The following PCDH15 variants were observed in gnomAD, a reference collection of about 807,000 sequenced individuals.
PCDH15 encodes the protein protocadherin related 15, also known as protocadherin-15.
Under a neutral mutation model 178.5 loss-of-function variants are expected in PCDH15, and 129 were observed. That is an observed-to-expected ratio of 0.72 (90% confidence interval 0.63 to 0.84). The LOEUF is 0.84. PCDH15 is among the 40% of genes least tolerant of loss of function. The pLI, the probability that PCDH15 is intolerant of heterozygous loss-of-function variation, is 0.00. For missense variants in PCDH15, 2,230 were observed against 2,099.9 expected (o/e 1.06, Z -1.21); for synonymous variants, 800 against 732.0 (o/e 1.09, Z -1.50).
intron 26 of PCDH15, among the ~76,000 whole-genome samples, chr10:53,878,435 T>TATAC (rs1554841165): frequency 3.5e-5 from 5 of 143,652 alleles, no homozygotes; most frequent in Non-Finnish European, 6.0e-5. Context: ...TATATATATA[T>TATAC]ATCTCCATAT....
At chr10:54,763,670 G>C (rs1347729019) in intron 1 of PCDH15, among the ~76,000 whole-genome samples, 1 of 150,912 alleles carries the variant, frequency 6.6e-6, no homozygotes, top group Non-Finnish European at 1.5e-5. Flanking sequence ...ACCTAAATAT[G>C]GTGAATTGAT....
intron 2 of PCDH15, among the ~76,000 whole-genome samples, chr10:55,572,521 T>C (rs1842424657): frequency 6.6e-6 from 1 of 151,978 alleles, no homozygotes; most frequent in Non-Finnish European, 1.5e-5. Flanking sequence ...AGAAATGCAA[T>C]GATCAAAACA....
In PCDH15 at chr10:53,804,582, C is replaced by CAA. The variant is rs1841041450; in HGVS notation, c.*1995_*1996dup. The CAA allele has an allele frequency of 1.3e-5, 2 of 151,820 alleles. No individual in the cohort carries two copies. Among genetic ancestry groups the CAA allele is most frequent in the Admixed American group, 1.3e-4 (2 of 15,220 alleles). 9.4% of individuals were successfully genotyped at this position (151,820 alleles called of 1,614,324 possible). A position where few individuals can be genotyped will look rare whatever the true frequency, so the allele number is the denominator to read the frequency against. On this transcript the variant is annotated 3_prime_UTR_variant, in exon 38 of 38. Coordinates refer to ENST00000644397, the MANE Select transcript of PCDH15 (RefSeq NM_001384140.1). ...TAAGTTAAATGTCACAGCCAGAAAT[C>CAA]AAAGGACAAAAACGCAGCCATGAAG... is the stretch of plus-strand genomic sequence containing the variant.
At chr10:53,892,213 G>C (rs939243591) in intron 26 of PCDH15, among the ~76,000 whole-genome samples, 5 of 151,542 alleles carry the variant, frequency 3.3e-5, no homozygotes, top group Admixed American at 3.3e-4. Flanking sequence ...TTTTAGTAGA[G>C]ACTGGGTTTC....
chr10:55,461,615 A>G (rs748510131), intron 2 of PCDH15, among the ~76,000 whole-genome samples: 1 of 152,100 alleles, frequency 6.6e-6, no homozygotes, highest in African/African-American at 2.4e-5. Flanking sequence ...ATGCACAGGT[A>G]TCTTTGATTC....
chr10:54,234,130 T>TTGTGTG lies in PCDH15; in HGVS notation c.985+2692_985+2693insCACACA, dbSNP rs1491388308. On this transcript the variant is annotated intron_variant, in intron 9 of 37. Transcript: ENST00000644397. ...TGAAGTCAGAGTCATGGATATCCCCTTCTGTGTGTGTGTGTGTGTGTGTGT... is the reference window on the plus strand; with the variant it reads ...TGAAGTCAGAGTCATGGATATCCCCTTGTGTGTCTGTGTGTGTGTGTGTGTGTGTGT... Among the ~76,000 whole-genome samples, 505 of 103,190 alleles carry TTGTGTG rather than the reference T, an allele frequency of 4.9e-3. 5 individuals are homozygous for TTGTGTG. The highest frequency in any genetic ancestry group is 0.017 in the African/African-American group (433 of 24,988). 67.7% of individuals were successfully genotyped at this position (103,190 alleles called of 152,430 possible).
chr10:54,353,597 G>A (rs576898232), intron 5 of PCDH15, among the ~76,000 whole-genome samples: 162 of 152,148 alleles, frequency 1.1e-3, no homozygotes, highest in Non-Finnish European at 1.5e-3. Flanking sequence ...CCTGTTCTTG[G>A]ACTTCAATAG....
Position 54,390,896 on chromosome 10 carries a change from C to T in PCDH15, c.158-11954G>A, listed in dbSNP as rs185276253. Among the ~76,000 whole-genome samples the T allele has an allele frequency of 5.3e-5, 8 of 152,088 alleles. No individual in the cohort carries two copies. In the East Asian group the frequency reaches 1.6e-3, roughly 30 times the overall value. ...TTTTCCCATCTCATGTCTCAATGTC[C>T]CTTTTCTTCCCCAGTGCCAATTTTC... is the stretch of plus-strand genomic sequence containing the variant. On this transcript the variant is annotated intron_variant, in intron 3 of 37. Transcript: ENST00000644397.
intron 2 of PCDH15, among the ~76,000 whole-genome samples, chr10:54,659,831 A>C (rs1162612364): frequency 6.6e-6 from 1 of 152,044 alleles, no homozygotes; most frequent in Non-Finnish European, 1.5e-5. Flanking sequence ...CTTGCTACTG[A>C]ATGATTTTAG....
At chr10:55,171,896 A>C (rs1038541904) in intron 1 of PCDH15, among the ~76,000 whole-genome samples, 5 of 123,984 alleles carry the variant, frequency 4.0e-5, no homozygotes, top group African/African-American at 1.4e-4. Context: ...CATCAGCAGT[A>C]TATTTAACCA....
chr10:54,232,528 G>T (rs947629812), intron 9 of PCDH15, among the ~76,000 whole-genome samples: 1 of 152,078 alleles, frequency 6.6e-6, no homozygotes, highest in Admixed American at 6.6e-5. Context: ...TCTTCTTTGT[G>T]GGAAGATCTT....
chr10:54,160,258 CTT>C (rs1360819296), intron 13 of PCDH15, among the ~76,000 whole-genome samples: 1 of 152,186 alleles, frequency 6.6e-6, no homozygotes, highest in African/African-American at 2.4e-5. Flanking sequence ...AAATTTAAAA[CTT>C]TGGAATTGTT....
intron 2 of PCDH15, among the ~76,000 whole-genome samples, chr10:54,655,308 G>GAGAGAC (rs2094373572): frequency 6.8e-4 from 88 of 128,692 alleles, no homozygotes; most frequent in African/African-American, 2.5e-3. Flanking sequence ...GAGAGACAGA[G>GAGAGAC]AGAGAGACAG....
intron 6 of PCDH15, among the ~76,000 whole-genome samples, chr10:54,338,245 T>C (rs1237924678): frequency 6.6e-6 from 1 of 152,214 alleles, no homozygotes; most frequent in Non-Finnish European, 1.5e-5. Flanking sequence ...GAGTTTCCAG[T>C]AAAATGAGAA....
intron 2 of PCDH15, among the ~76,000 whole-genome samples, chr10:55,600,445 A>G (rs896479670): frequency 3.9e-5 from 6 of 152,096 alleles, no homozygotes; most frequent in African/African-American, 1.4e-4. Context: ...GCACTAGTGT[A>G]AGTCAGTTAT....
At chr10:55,001,050 C>T (rs1170721186) in intron 2 of PCDH15, among the ~76,000 whole-genome samples, 2 of 152,122 alleles carry the variant, frequency 1.3e-5, no homozygotes, top group Non-Finnish European at 2.9e-5. Flanking sequence ...AAGGAGCTAC[C>T]CACTATGCAA....
chr10:54,751,775 TAAG>T (rs1198988369), intron 1 of PCDH15, among the ~76,000 whole-genome samples: 1 of 152,102 alleles, frequency 6.6e-6, no homozygotes, highest in Non-Finnish European at 1.5e-5. Context: ...CTGTAATACA[TAAG>T]AAGAAAAGAG....
chr10:54,223,075 G>C (rs1224605353), intron 9 of PCDH15, among the ~76,000 whole-genome samples: 1 of 152,058 alleles, frequency 6.6e-6, no homozygotes, highest in African/African-American at 2.4e-5. Context: ...ACTTTCGAAG[G>C]CTGAGGTGGG....
chr10:55,177,116 G>C (rs914127842), intron 1 of PCDH15, among the ~76,000 whole-genome samples: 1 of 152,098 alleles, frequency 6.6e-6, no homozygotes. Context: ...GTTTAGTCTT[G>C]TCAGAGGGAA....
Sources: gnomAD v4.1 joint callset for allele counts (sites outside exome capture counted in the v4.1 genomes callset) on GRCh38, gnomAD v4.1.1 for gene constraint, MANE v1.5 for transcripts, NCBI Gene and HGNC (gene_info 2026-07-23, HGNC 2026-07-21) for gene names.